TSPAN8: variants seen among roughly 807,000 people sequenced by gnomAD.
TSPAN8 encodes the protein tetraspanin 8.
In TSPAN8, 21 loss-of-function variants were observed where a neutral mutation model predicts 32.8. The ratio of observed to expected loss-of-function variants is 0.64; its 90% CI spans 0.45 to 0.92. The LOEUF is 0.92. Among genes scored for constraint, TSPAN8 ranks in the 40% least tolerant of loss-of-function variants. The pLI is 0.00. For synonymous variants in TSPAN8, 95 were observed against 94.6 expected, an observed-to-expected ratio of 1.00 and a Z score of -0.03; for missense variants, 269 against 281.9, an observed-to-expected ratio of 0.95 and a Z score of 0.33.
At chr12:71,137,280 CAAAATA>C (rs1871730219) in intron 6 of TSPAN8, among the ~76,000 whole-genome samples, 3 of 151,794 alleles carry the variant, frequency 2.0e-5, no homozygotes, top group Admixed American at 2.0e-4. Flanking sequence ...ACCTTGTCCT[CAAAATA>C]ATTAATTATT....
intron 2 of TSPAN8, among the ~76,000 whole-genome samples, chr12:71,144,538 A>C (rs1411940986): frequency 1.3e-5 from 2 of 152,198 alleles, no homozygotes; most frequent in Non-Finnish European, 2.9e-5. Flanking sequence ...CATACAAAAG[A>C]AAAGTCACAA....
intron 3 of TSPAN8, among the ~76,000 whole-genome samples, chr12:71,140,060 G>A (rs1353604722): frequency 1.8e-5 from 2 of 112,564 alleles, no homozygotes; most frequent in Non-Finnish European, 3.9e-5. Context: ...TATGATGAAA[G>A]CTGGGTGGAA....
chr12:71,154,260 A>C (rs1872351313), intron 2 of TSPAN8, among the ~76,000 whole-genome samples: 1 of 151,568 alleles, frequency 6.6e-6, no homozygotes, highest in Non-Finnish European at 1.5e-5. Flanking sequence ...CAGTGACCCG[A>C]GATCATGCCG....
intron 6 of TSPAN8, among the ~76,000 whole-genome samples, chr12:71,136,151 A>C (rs1354329494): frequency 6.6e-6 from 1 of 152,176 alleles, no homozygotes; most frequent in East Asian, 1.9e-4. Flanking sequence ...CCACTTGAAA[A>C]GCAAGGATTT....
intron 6 of TSPAN8, among the ~76,000 whole-genome samples, chr12:71,134,445 C>G (rs1003313857): frequency 6.6e-6 from 1 of 152,164 alleles, no homozygotes; most frequent in African/African-American, 2.4e-5. Flanking sequence ...CAGAGATAAA[C>G]TAACAAATTC....
In TSPAN8 at chr12:71,125,356, T is replaced by A. The variant is rs776432535; in HGVS notation, c.692A>T (p.Tyr231Phe). The stretch of plus-strand genomic sequence containing the variant: ...GATTCATTTGTTCCCGATCTGGCAA[T>A]ACAGGACCATAGAAAACACCAAACC... ...ILGLVFSMVLYCQIGNK is the reference protein window; with the variant it reads ...ILGLVFSMVLFCQIGNK The change falls in exon 9 of 9, where the codon TAT becomes TTT. Residue 231 changes from tyrosine to phenylalanine, a missense_variant. By Grantham distance (22) the Tyr-to-Phe change is conservative. Transcript: ENST00000247829. 3.7e-6 allele frequency: 6 copies of A among 1,612,780 alleles called. No homozygotes were observed. The South Asian group carries it at 4.4e-5, about 12-fold the overall frequency.
intron 2 of TSPAN8, among the ~76,000 whole-genome samples, chr12:71,151,311 C>T (rs766790682): frequency 2.0e-5 from 3 of 152,188 alleles, no homozygotes; most frequent in Non-Finnish European, 4.4e-5. Context: ...GATCCACCCA[C>T]CTTGGCCTCC....
At chr12:71,138,117 T>C in intron 5 of TSPAN8, 39 bp downstream of exon 5, 1 of 1,610,576 alleles carries the variant, frequency 6.2e-7, no homozygotes, top group Non-Finnish European at 8.5e-7. Flanking sequence ...TTTCAATTTT[T>C]CAAACTTCTT....
At chr12:71,142,087 T>C (rs112215763) in intron 3 of TSPAN8, among the ~76,000 whole-genome samples, 1,770 of 152,326 alleles carry the variant, frequency 0.012, 29 homozygotes, top group African/African-American at 0.041. Flanking sequence ...ACCTCTGTTT[T>C]TTCACTAACA....
chr12:71,135,393 G>C (rs935961567), intron 6 of TSPAN8, among the ~76,000 whole-genome samples: 2 of 145,548 alleles, frequency 1.4e-5, no homozygotes, highest in Admixed American at 1.4e-4. Flanking sequence ...GGAGGAGAAG[G>C]GGGGACAAGA....
At chr12:71,142,840 A>G (rs1871943634) in intron 3 of TSPAN8, among the ~76,000 whole-genome samples, 3 of 65,406 alleles carry the variant, frequency 4.6e-5, no homozygotes, top group Non-Finnish European at 1.0e-4. Flanking sequence ...GAGAGAGAGG[A>G]AAAAAACAAA....
chr12:71,138,530 A>C (rs1018423058), intron 4 of TSPAN8, among the ~76,000 whole-genome samples: 5 of 152,194 alleles, frequency 3.3e-5, no homozygotes, highest in African/African-American at 4.8e-5. Context: ...AGTTTATTTG[A>C]GTATTATTTT....
At chr12:71,136,221 AT>A (rs887658480) in intron 6 of TSPAN8, among the ~76,000 whole-genome samples, 4 of 152,048 alleles carry the variant, frequency 2.6e-5, no homozygotes, top group South Asian at 2.1e-4. Context: ...AGCATCAATA[AT>A]TTTTTTTCCT....
At chr12:71,151,756 T>C (rs1246117591) in intron 2 of TSPAN8, among the ~76,000 whole-genome samples, 1 of 152,238 alleles carries the variant, frequency 6.6e-6, no homozygotes, top group East Asian at 1.9e-4. Context: ...ACATGTATCC[T>C]ATATTCCTAC....
intron 6 of TSPAN8, among the ~76,000 whole-genome samples, chr12:71,133,282 T>C (rs1170320611): frequency 6.6e-6 from 1 of 152,036 alleles, no homozygotes; most frequent in Admixed American, 6.6e-5. Flanking sequence ...AGACCGCGTT[T>C]TACCATGTTG....
chr12:71,138,799 T>C (rs1420575880), intron 4 of TSPAN8, among the ~76,000 whole-genome samples: 3 of 152,186 alleles, frequency 2.0e-5, no homozygotes, highest in Admixed American at 1.3e-4. Flanking sequence ...TCAGTAGGAA[T>C]GTTATTAGAG....
rs575836727 is a variant in TSPAN8, at chr12:71,127,593, C to T, written c.660+1738G>A. On this transcript the variant is annotated intron_variant, in intron 8 of 8. Transcript: ENST00000247829. ...TACTGTATAGAATGTTTGTATTAAGCTATTTTTCTCTGAATATGTCTTTAG... is the reference window on the plus strand; with the variant it reads ...TACTGTATAGAATGTTTGTATTAAGTTATTTTTCTCTGAATATGTCTTTAG... 8.5e-5 allele frequency among the ~76,000 whole-genome samples: 13 copies of T among 152,178 alleles called. No homozygotes were observed. The South Asian group carries it at 2.7e-3, about 32-fold the overall frequency.
chr12:71,126,310 A>G (rs1290092911), intron 8 of TSPAN8, among the ~76,000 whole-genome samples: 3 of 152,236 alleles, frequency 2.0e-5, no homozygotes, highest in Non-Finnish European at 4.4e-5. Context: ...TCTCTGCAAA[A>G]GTAATAATTT....
intron 6 of TSPAN8, among the ~76,000 whole-genome samples, chr12:71,135,221 G>A (rs12833368): frequency 2.3e-3 from 126 of 55,726 alleles, no homozygotes; most frequent in East Asian, 7.2e-3. Flanking sequence ...AGGAGGAGGA[G>A]GAAGAAGAAG....
Sources: gnomAD v4.1 joint callset for allele counts (sites outside exome capture counted in the v4.1 genomes callset) on GRCh38, gnomAD v4.1.1 for gene constraint, MANE v1.5 for transcripts, NCBI Gene and HGNC (gene_info 2026-07-23, HGNC 2026-07-21) for gene names.